Variants in RNGTT observed in about 807,000 individuals in gnomAD.
The protein encoded by RNGTT is mRNA-capping enzyme.
In RNGTT, 33 loss-of-function variants were observed where a neutral mutation model predicts 79.3. The ratio of observed to expected loss-of-function variants is 0.42; its 90% CI spans 0.32 to 0.56. RNGTT has a LOEUF of 0.56. Ranked by LOEUF, RNGTT falls within the 20% of genes least tolerant of loss-of-function variation. The pLI, the probability that RNGTT is intolerant of heterozygous loss-of-function variation, is 0.17. For synonymous variants in RNGTT, 222 were observed against 235.9 expected, an observed-to-expected ratio of 0.94 and a Z score of 0.54; for missense variants, 497 against 739.1, an observed-to-expected ratio of 0.67 and a Z score of 3.80.
chr6:88,614,511 A>G (rs1772149417), intron 14 of RNGTT, 116 bp from the exon 15 acceptor site: 1 of 963,164 alleles, frequency 1.0e-6, no homozygotes, highest in Admixed American at 2.3e-5. Context: ...CTTCATGCAG[A>G]GAGCTCTTTG....
intron 12 of RNGTT, among the ~76,000 whole-genome samples, chr6:88,780,622 G>T (rs1779031262): frequency 6.8e-6 from 1 of 146,226 alleles, no homozygotes; most frequent in Non-Finnish European, 1.5e-5. Context: ...GATTGTATGA[G>T]GTGAGCTGTC....
intron 11 of RNGTT, among the ~76,000 whole-genome samples, chr6:88,803,050 T>C (rs372206808): frequency 3.3e-5 from 5 of 152,304 alleles, no homozygotes; most frequent in African/African-American, 1.2e-4. Flanking sequence ...CAAGTACGTA[T>C]TTCACTTGCA....
chr6:88,628,658 T>C (rs1339096436), intron 14 of RNGTT, among the ~76,000 whole-genome samples: 1 of 152,178 alleles, frequency 6.6e-6, no homozygotes, highest in Non-Finnish European at 1.5e-5. Context: ...ACCTGTGATG[T>C]AGCTGAGCAC....
intron 14 of RNGTT, among the ~76,000 whole-genome samples, chr6:88,630,136 G>A (rs77862177): frequency 2.3e-3 from 352 of 152,276 alleles, no homozygotes; most frequent in African/African-American, 7.8e-3. Context: ...ACAGTAAAAC[G>A]ACAATGCAGG....
chr6:88,756,811 G>A (rs72925513), intron 13 of RNGTT, among the ~76,000 whole-genome samples: 2,137 of 152,288 alleles, frequency 0.014, 19 homozygotes, highest in Middle Eastern at 0.027. Flanking sequence ...ACTCTAGTTT[G>A]TTCACTTGGA....
At chr6:88,905,186 C>T (rs978946909) in intron 5 of RNGTT, among the ~76,000 whole-genome samples, 13 of 152,074 alleles carry the variant, frequency 8.5e-5, no homozygotes, top group African/African-American at 2.9e-4. Context: ...AAATAAATTG[C>T]TATGAGTATA....
intron 11 of RNGTT, among the ~76,000 whole-genome samples, chr6:88,830,153 C>T (rs567427575): frequency 3.3e-5 from 5 of 152,230 alleles, no homozygotes; most frequent in Admixed American, 6.5e-5. Context: ...TAAAACACTC[C>T]TCAGCAAATG....
chr6:88,836,182 T>G (rs546950708), intron 11 of RNGTT, among the ~76,000 whole-genome samples: 1 of 150,912 alleles, frequency 6.6e-6, no homozygotes, highest in South Asian at 2.1e-4. Flanking sequence ...TTAGTATGCA[T>G]TATATGATTT....
chr6:88,758,070 C>T (rs147520773), intron 13 of RNGTT, among the ~76,000 whole-genome samples: 1 of 152,198 alleles, frequency 6.6e-6, no homozygotes, highest in African/African-American at 2.4e-5. Context: ...TTCTTCTGTG[C>T]TTCAAATTCA....
chr6:88,799,656 C>T lies in RNGTT; in HGVS notation c.1338+1908G>A, dbSNP rs1048904275. Among the ~76,000 whole-genome samples, 6 of 143,234 alleles carry T rather than the reference C, an allele frequency of 4.2e-5. No individual in the cohort carries two copies. The East Asian group carries it at 8.3e-4, about 20-fold the overall frequency. 94.0% of individuals were successfully genotyped at this position (143,234 alleles called of 152,430 possible). The stretch of plus-strand genomic sequence containing the variant: ...CAGAGGTTGCAGTGAGCCAACATTG[C>T]GCCATTGCACTTCAGCTTGGGCAAC... On this transcript the variant is annotated intron_variant, in intron 12 of 15. Coordinates refer to ENST00000369485, the MANE Select transcript of RNGTT (RefSeq NM_003800.5).
At chr6:88,822,665 C>T (rs1003250465) in intron 11 of RNGTT, among the ~76,000 whole-genome samples, 13 of 152,156 alleles carry the variant, frequency 8.5e-5, no homozygotes, top group African/African-American at 3.1e-4. Context: ...CCCATTCCGT[C>T]GTTCCAGGCA....
chr6:88,754,371 G>T (rs1777938783), intron 13 of RNGTT, among the ~76,000 whole-genome samples: 2 of 152,170 alleles, frequency 1.3e-5, no homozygotes, highest in African/African-American at 4.8e-5. Context: ...CTTCCTATGG[G>T]CTGAACATAT....
chr6:88,696,365 A>G (rs1256689441), intron 13 of RNGTT, among the ~76,000 whole-genome samples: 1 of 152,178 alleles, frequency 6.6e-6, no homozygotes, highest in Non-Finnish European at 1.5e-5. Flanking sequence ...ATACTTAAGT[A>G]AATAGTTGAA....
At chr6:88,823,141 A>G (rs1436647643) in intron 11 of RNGTT, among the ~76,000 whole-genome samples, 2 of 152,208 alleles carry the variant, frequency 1.3e-5, no homozygotes, top group African/African-American at 4.8e-5. Flanking sequence ...CTGTTAAGAA[A>G]ATTGGCTGGG....
At chr6:88,698,032 GAT>G (rs1270695576) in intron 13 of RNGTT, among the ~76,000 whole-genome samples, 6 of 85,976 alleles carry the variant, frequency 7.0e-5, no homozygotes, top group East Asian at 4.9e-4. Flanking sequence ...ACATATATAT[GAT>G]ATATATATGA....
intron 13 of RNGTT, among the ~76,000 whole-genome samples, chr6:88,755,326 C>T (rs928090224): frequency 2.0e-5 from 3 of 151,948 alleles, no homozygotes; most frequent in African/African-American, 7.3e-5. Flanking sequence ...ATATAAATGC[C>T]ATTAAATTTA....
intron 13 of RNGTT, among the ~76,000 whole-genome samples, chr6:88,754,882 A>C (rs977096102): frequency 2.6e-5 from 4 of 152,214 alleles, no homozygotes; most frequent in African/African-American, 9.6e-5. Flanking sequence ...TTAATCTATA[A>C]TCTATAGAAA....
At chr6:88,730,708 A>T (rs1368796713) in intron 13 of RNGTT, among the ~76,000 whole-genome samples, 2 of 152,166 alleles carry the variant, frequency 1.3e-5, no homozygotes, top group Admixed American at 6.5e-5. Flanking sequence ...GGAGTTGGGG[A>T]TCCCTCATCT....
At chr6:88,656,707 T>G (rs1018859950) in intron 14 of RNGTT, among the ~76,000 whole-genome samples, 2 of 151,682 alleles carry the variant, frequency 1.3e-5, no homozygotes, top group African/African-American at 4.8e-5. Context: ...GTCTCTGCCT[T>G]GGGTGAAAGT....
Sources: allele counts gnomAD v4.1 joint callset (sites outside exome capture counted in the v4.1 genomes callset), GRCh38; gene constraint gnomAD v4.1.1; transcripts MANE v1.5; gene names NCBI Gene and HGNC (gene_info 2026-07-23, HGNC 2026-07-21).